The following FER variants were observed in gnomAD, a reference collection of about 807,000 sequenced individuals.
The protein encoded by FER is tyrosine-protein kinase Fer.
Under a neutral mutation model 111.0 loss-of-function variants are expected in FER, and 63 were observed. The ratio of observed to expected loss-of-function variants is 0.57; its 90% CI spans 0.46 to 0.70. The LOEUF is 0.70. FER is among the 30% of genes least tolerant of loss of function. The pLI, the probability that FER is intolerant of heterozygous loss-of-function variation, is 0.00. For synonymous variants in FER, 327 were observed against 313.9 expected, an observed-to-expected ratio of 1.04 and a Z score of -0.44; for missense variants, 914 against 954.0, an observed-to-expected ratio of 0.96 and a Z score of 0.55.
chr5:109,192,081 G>A lies in FER; in HGVS notation c.*4506G>A, dbSNP rs1030226465. 6.6e-6 allele frequency: 1 copy of A among 151,804 alleles called. No homozygotes were observed. The highest frequency in any genetic ancestry group is 2.4e-5 in the African/African-American group (1 of 41,102). 9.4% of individuals were successfully genotyped at this position (151,804 alleles called of 1,614,324 possible). ...TAGTGTAGGCATTAGGAATCACTTA[G>A]CCACTTAATAAGGACTGAGATTCTT... On this transcript the variant is annotated 3_prime_UTR_variant, in exon 20 of 20. Transcript: ENST00000281092.
intron 3 of FER, among the ~76,000 whole-genome samples, chr5:108,805,999 T>C (rs931103645): frequency 1.3e-5 from 2 of 152,106 alleles, no homozygotes; most frequent in Non-Finnish European, 2.9e-5. Context: ...TCAGAGGTCT[T>C]CATGACAGCC....
At chr5:108,885,970 G>T (rs967210570) in intron 9 of FER, among the ~76,000 whole-genome samples, 1 of 151,880 alleles carries the variant, frequency 6.6e-6, no homozygotes, top group Admixed American at 6.6e-5. Context: ...TTGCTTTTCT[G>T]TGTTTGTGGA....
intron 15 of FER, among the ~76,000 whole-genome samples, chr5:109,046,503 TC>T (rs1771994306): frequency 6.6e-6 from 1 of 152,176 alleles, no homozygotes; most frequent in Non-Finnish European, 1.5e-5. Context: ...TGGTTGTTAA[TC>T]ATTCAGAGTA....
chr5:108,845,141 T>C (rs1194249814), intron 5 of FER, among the ~76,000 whole-genome samples: 1 of 144,874 alleles, frequency 6.9e-6, no homozygotes, highest in Non-Finnish European at 1.5e-5. Context: ...CTTACTGAAC[T>C]TGTTTATTAA....
In FER at chr5:109,194,043, G is replaced by C. The variant is rs1050823756; in HGVS notation, c.*6468G>C. On this transcript the variant is annotated 3_prime_UTR_variant, in exon 20 of 20. Coordinates refer to ENST00000281092, the MANE Select transcript of FER (RefSeq NM_005246.4). ...TCCTAACGCAGCAAGATTTCTGTGAGTAGAGGTATCCTGGGAGGTATCCTG... is the reference window on the plus strand; with the variant it reads ...TCCTAACGCAGCAAGATTTCTGTGACTAGAGGTATCCTGGGAGGTATCCTG... The C allele has an allele frequency of 1.3e-5, 2 of 152,220 alleles. No homozygotes were observed. Among genetic ancestry groups the C allele is most frequent in the Non-Finnish European group, 2.9e-5 (2 of 68,058 alleles). 9.4% of individuals were successfully genotyped at this position (152,220 alleles called of 1,614,324 possible).
chr5:109,010,733 T>G (rs12153133), intron 13 of FER, among the ~76,000 whole-genome samples: 1,798 of 152,302 alleles, frequency 0.012, 17 homozygotes, highest in Non-Finnish European at 0.02. Flanking sequence ...CATATTCAGT[T>G]GCTGATAAAG....
intron 13 of FER, among the ~76,000 whole-genome samples, chr5:109,021,783 A>G (rs1429401202): frequency 6.6e-6 from 1 of 152,110 alleles, no homozygotes; most frequent in Admixed American, 6.6e-5. Context: ...ATGAAACATG[A>G]CGTTGTGAAA....
intron 8 of FER, among the ~76,000 whole-genome samples, chr5:108,875,408 T>C (rs1224998442): frequency 6.6e-6 from 1 of 152,130 alleles, no homozygotes; most frequent in Admixed American, 6.6e-5. Context: ...GCCTCTTTTT[T>C]TGCATCTACC....
rs1296411670 is a variant in FER, at chr5:109,051,586, T to A, written c.1924+4388T>A. 6.5e-5 allele frequency: 105 copies of A among 1,608,022 alleles called. 1 individual carries two copies. The highest frequency in any genetic ancestry group is 8.8e-5 in the Non-Finnish European group (103 of 1,174,670). Reference sequence around the variant, plus strand: ...ATTGCGGCAAGAAGAATTGTTTCTGTCGCCATTAACCAGCTTGTACCCAGG... The same window carrying A: ...ATTGCGGCAAGAAGAATTGTTTCTGACGCCATTAACCAGCTTGTACCCAGG... On this transcript the variant is annotated intron_variant, in intron 16 of 19. Transcript: ENST00000281092.
chr5:109,146,253 A>AATATATATATATATTATCTATCTAATAT (rs1754142262), intron 17 of FER, among the ~76,000 whole-genome samples: 6 of 42,126 alleles, frequency 1.4e-4, no homozygotes, highest in African/African-American at 2.7e-4. Context: ...TAATCTATCT[A>AATATATATATATATTATCTATCTAATAT]ATATATATAT....
intron 1 of FER, among the ~76,000 whole-genome samples, chr5:108,751,680 G>T (rs1750526932): frequency 6.6e-6 from 1 of 152,096 alleles, no homozygotes; most frequent in African/African-American, 2.4e-5. Flanking sequence ...AGCTTACAAA[G>T]GTGAACTTTT....
intron 3 of FER, chr5:108,820,526 T>C: frequency 2.0e-6 from 2 of 985,344 alleles, no homozygotes; most frequent in Non-Finnish European, 2.4e-6. Context: ...AAAGAAAAGG[T>C]AATATAATTT....
At chr5:108,950,902 T>A (rs988602923) in intron 11 of FER, among the ~76,000 whole-genome samples, 1 of 152,108 alleles carries the variant, frequency 6.6e-6, no homozygotes, top group Non-Finnish European at 1.5e-5. Context: ...AACAGTTGAT[T>A]TCTCATCCCC....
At chr5:109,113,067 A>G (rs1749814930) in intron 17 of FER, among the ~76,000 whole-genome samples, 1 of 152,162 alleles carries the variant, frequency 6.6e-6, no homozygotes, top group South Asian at 2.1e-4. Flanking sequence ...AAAATCCTCT[A>G]GGTTTTGAGA....
chr5:108,967,023 C>T (rs1759941572), intron 13 of FER, among the ~76,000 whole-genome samples: 1 of 152,156 alleles, frequency 6.6e-6, no homozygotes, highest in Non-Finnish European at 1.5e-5. Flanking sequence ...TTCTCAGTCA[C>T]TTTGTAAGCC....
intron 17 of FER, among the ~76,000 whole-genome samples, chr5:109,146,103 A>G (rs886516366): frequency 6.7e-6 from 1 of 149,802 alleles, no homozygotes; most frequent in African/African-American, 2.4e-5. Flanking sequence ...AATTTATAAA[A>G]TATAGTTTTC....
At chr5:109,011,286 C>G (rs186993610) in intron 13 of FER, among the ~76,000 whole-genome samples, 405 of 152,240 alleles carry the variant, frequency 2.7e-3, no homozygotes, top group African/African-American at 9.1e-3. Context: ...AAATCAGCAT[C>G]TCTAAAAATT....
chr5:108,854,756 A>G (rs1762835301), intron 5 of FER, among the ~76,000 whole-genome samples: 1 of 152,018 alleles, frequency 6.6e-6, no homozygotes, highest in African/African-American at 2.4e-5. Flanking sequence ...GCCACTGGCC[A>G]TCATGGTGAA....
At chr5:108,815,655 T>C (rs1758197480) in intron 3 of FER, among the ~76,000 whole-genome samples, 1 of 152,298 alleles carries the variant, frequency 6.6e-6, no homozygotes, top group African/African-American at 2.4e-5. Context: ...AAATACTATC[T>C]TCAAATGATG....
Sources: allele counts gnomAD v4.1 joint callset (sites outside exome capture counted in the v4.1 genomes callset), GRCh38; gene constraint gnomAD v4.1.1; transcripts MANE v1.5; gene names NCBI Gene and HGNC (gene_info 2026-07-23, HGNC 2026-07-21).